The following BTBD8 variants were observed in gnomAD, a reference collection of about 807,000 sequenced individuals.
The protein encoded by BTBD8 is BTB/POZ domain-containing protein 8.
BTBD8 carries 110 observed loss-of-function variants against 162.9 expected under a neutral mutation model. The ratio of observed to expected loss-of-function variants is 0.68; its 90% confidence interval spans 0.58 to 0.79. The LOEUF (loss-of-function observed/expected upper bound fraction) is 0.79. BTBD8 is among the 30% of genes least tolerant of loss of function. BTBD8 has a pLI of 0.00. For missense variants in BTBD8, 1,905 were observed against 2,085.4 expected (o/e 0.91, Z 1.68); for synonymous variants, 667 against 716.1 (o/e 0.93, Z 1.10).
At chr1:92,125,457 A>C in intron 4 of BTBD8, 1 of 314,694 alleles carries the variant, frequency 3.2e-6, no homozygotes, top group Non-Finnish European at 6.2e-6. Flanking sequence ...TTCCTCAGGG[A>C]ACACTTTGAG....
At position 92,166,625 on chromosome 1, in the gene BTBD8, A is replaced by G. The variant is rs1269610714; in HGVS notation, c.1123-333A>G. ...TTTTTAGTAGAAGTGGGTTTTCACCATGTTGGCCAGGCTGAGCTTGAACTC... is the reference window on the plus strand; with the variant it reads ...TTTTTAGTAGAAGTGGGTTTTCACCGTGTTGGCCAGGCTGAGCTTGAACTC... On this transcript the variant is annotated intron_variant, in intron 9 of 17. Transcript: ENST00000636805. Among the ~76,000 whole-genome samples, 3 of 151,782 alleles carry G rather than the reference A, an allele frequency of 2.0e-5. No individual in the cohort carries two copies. The East Asian group carries it at 5.8e-4, about 29-fold the overall frequency.
intron 9 of BTBD8, 34 bp downstream of exon 9, chr1:92,147,820 G>T: frequency 6.5e-7 from 1 of 1,533,016 alleles, no homozygotes; most frequent in Non-Finnish European, 8.9e-7. Flanking sequence ...TTGTGTGTTT[G>T]CCATTAAAAA....
chr1:92,121,577 G>A (rs1240142684), intron 4 of BTBD8, among the ~76,000 whole-genome samples: 1 of 152,000 alleles, frequency 6.6e-6, no homozygotes, highest in Non-Finnish European at 1.5e-5. Flanking sequence ...TAAGTATATT[G>A]AGTTAGAATG....
At position 92,183,899 on chromosome 1, in the gene BTBD8, C is replaced by A; in HGVS notation, c.4948C>A (p.Arg1650Ser). The A allele has an allele frequency of 1.3e-6, 2 of 1,550,470 alleles. No homozygotes were observed. Among genetic ancestry groups the A allele is most frequent in the Non-Finnish European group, 1.7e-6 (2 of 1,146,720 alleles). ...TGATTGTGACACACTGGCACAAACC[C>A]GCATGTATGACCATCGGCCTTCAAA... is the stretch of plus-strand genomic sequence containing the variant. Reference protein sequence around the residue: ...IDDCDTLAQTRMYDHRPSKTL... With the variant: ...IDDCDTLAQTSMYDHRPSKTL... Residue 1650 changes from arginine to serine, a missense_variant, in exon 18 of 18, where the codon CGC becomes AGC. Arg to Ser is a moderately radical substitution (Grantham distance 110). Coordinates refer to ENST00000636805, the MANE Select transcript of BTBD8 (RefSeq NM_001376131.1).
At chr1:92,116,184 C>T (rs1649038633) in intron 4 of BTBD8, among the ~76,000 whole-genome samples, 1 of 151,884 alleles carries the variant, frequency 6.6e-6, no homozygotes. Flanking sequence ...AGTTTAATTC[C>T]ATGGTGGTCA....
intron 3 of BTBD8, among the ~76,000 whole-genome samples, chr1:92,107,235 A>G (rs1375657520): frequency 6.6e-6 from 1 of 152,184 alleles, no homozygotes; most frequent in African/African-American, 2.4e-5. Flanking sequence ...TAAAAATTAG[A>G]AAAAGATGCT....
intron 9 of BTBD8, among the ~76,000 whole-genome samples, chr1:92,152,867 TAGCCTC>T (rs1402268670): frequency 3.3e-5 from 5 of 152,340 alleles, no homozygotes; most frequent in Admixed American, 1.3e-4. Context: ...GTCTGATCAA[TAGCCTC>T]TGGCATCATG....
intron 4 of BTBD8, among the ~76,000 whole-genome samples, chr1:92,118,758 A>G (rs1049528674): frequency 7.0e-6 from 1 of 142,708 alleles, no homozygotes; most frequent in African/African-American, 2.7e-5. Context: ...AGACTCATAG[A>G]TACTTATTTT....
At chr1:92,112,490 A>T (rs1348539241) in intron 4 of BTBD8, among the ~76,000 whole-genome samples, 1 of 152,172 alleles carries the variant, frequency 6.6e-6, no homozygotes, top group African/African-American at 2.4e-5. Flanking sequence ...ACCCATGTTA[A>T]AAAAAAGATG....
intron 4 of BTBD8, among the ~76,000 whole-genome samples, chr1:92,110,241 T>A (rs903207432): frequency 6.6e-6 from 1 of 152,142 alleles, no homozygotes; most frequent in African/African-American, 2.4e-5. Flanking sequence ...TCTAACAGAG[T>A]GGTTAAGAGT....
chr1:92,129,631 A>G, intron 4 of BTBD8, 56 bp from the exon 5 acceptor site: 1 of 1,344,574 alleles, frequency 7.4e-7, no homozygotes, highest in Non-Finnish European at 1.1e-6. Flanking sequence ...ATAAAAAATT[A>G]CATTTTGAAT....
chr1:92,085,867 C>T (rs1214476194), intron 1 of BTBD8, among the ~76,000 whole-genome samples: 3 of 152,022 alleles, frequency 2.0e-5, no homozygotes, highest in East Asian at 3.9e-4. Context: ...CTACAAAGTT[C>T]GGCAGAGTCA....
chr1:92,088,997 A>G, intron 2 of BTBD8, 102 bp downstream of exon 2: 1 of 1,127,738 alleles, frequency 8.9e-7, no homozygotes. Context: ...GTAACCTGAT[A>G]AGAAAAATCC....
chr1:92,145,984 A>G (rs1557455919), intron 7 of BTBD8, among the ~76,000 whole-genome samples: 2 of 152,112 alleles, frequency 1.3e-5, no homozygotes. Flanking sequence ...CTGTCTCAAA[A>G]AAAAAAAAAT....
rs1213516082 is a variant in BTBD8 at position 92,181,672 on chromosome 1, A to T, written c.3989A>T (p.Asp1330Val). 6.4e-7 allele frequency: 1 copy of T among 1,551,252 alleles called. No homozygotes were observed. The highest frequency in any genetic ancestry group is 8.7e-7 in the Non-Finnish European group (1 of 1,146,822). The change falls in exon 17 of 18, where the codon GAT becomes GTT. Residue 1330 changes from aspartate to valine, a missense_variant. Around this residue, in one of 3 missense-constraint regions of BTBD8, gnomAD observed 517 missense variants for 606.6 expected, o/e 0.85. Transcript: ENST00000636805. Reference protein sequence around the residue: ...EVKMKKQSNNDLFQVNSTSDD... With the variant: ...EVKMKKQSNNVLFQVNSTSDD... ...AAAATGAAAAAGCAAAGTAATAATG[A>T]TCTTTTCCAAGTTAATTCAACGAGT...
intron 5 of BTBD8, among the ~76,000 whole-genome samples, chr1:92,134,474 GC>G (rs1453981818): frequency 6.6e-6 from 1 of 151,846 alleles, no homozygotes; most frequent in Non-Finnish European, 1.5e-5. Context: ...TGTTTTTTTG[GC>G]TTCCTCTGCC....
rs1650855532 is a variant in BTBD8 at position 92,180,581 on chromosome 1, A to G, written c.2898A>G (p.Gln966=). ...TAAAACATGAAACATCTACTGTCCA[A>G]AAAAGTATGTTTCATGATGTGCGTG... ...RPLKHETSTV[Q]KSMFHDVRDN... Residue 966 remains glutamine, a synonymous_variant, in exon 17 of 18, where the codon CAA becomes CAG. Coordinates refer to ENST00000636805, the MANE Select transcript of BTBD8 (RefSeq NM_001376131.1). 1 of 1,551,636 alleles carries G rather than the reference A, an allele frequency of 6.4e-7. No homozygotes were observed. The highest frequency in any genetic ancestry group is 8.7e-7 in the Non-Finnish European group (1 of 1,146,952).
intron 16 of BTBD8, among the ~76,000 whole-genome samples, chr1:92,178,995 A>T (rs933117108): frequency 1.3e-5 from 2 of 152,248 alleles, no homozygotes; most frequent in Admixed American, 6.5e-5. Context: ...CCTGTAATCC[A>T]AGCACTTTGG....
At chr1:92,090,836 GCAGGAGAATCACCCGAACC>G (rs1648275478) in intron 2 of BTBD8, among the ~76,000 whole-genome samples, 1 of 152,190 alleles carries the variant, frequency 6.6e-6, no homozygotes, top group Non-Finnish European at 1.5e-5. Flanking sequence ...GGAAGCTGAG[GCAGGAGAATCACCCGAACC>G]CAGAAGGTGG....
Sources: allele counts gnomAD v4.1 joint callset (sites outside exome capture counted in the v4.1 genomes callset), GRCh38; gene constraint gnomAD v4.1.1; regional missense constraint gnomAD v4.1.1; transcripts MANE v1.5; gene names NCBI Gene and HGNC (gene_info 2026-07-23, HGNC 2026-07-21).